TENM2: variants seen among roughly 807,000 people sequenced by gnomAD.
The protein encoded by TENM2 is teneurin-2.
In TENM2, 52 loss-of-function variants were observed where a neutral mutation model predicts 245.2. That is an observed-to-expected ratio of 0.21 (90% confidence interval 0.17 to 0.27). TENM2 has a LOEUF of 0.27. Among genes scored for constraint, TENM2 ranks in the 10% least tolerant of loss-of-function variants. The pLI, the probability that TENM2 is intolerant of heterozygous loss-of-function variation, is 1.00. For synonymous variants in TENM2, 1,363 were observed against 1,438.9 expected (o/e 0.95, Z 1.19); for missense variants, 3,046 against 3,666.8 (o/e 0.83, Z 4.37).
At chr5:167,301,051 G>A (rs183572707) in intron 1 of TENM2, among the ~76,000 whole-genome samples, 3 of 152,244 alleles carry the variant, frequency 2.0e-5, no homozygotes, top group African/African-American at 7.2e-5. Context: ...CCTCCTTATT[G>A]ATTAAGAAGG....
At chr5:168,123,484 G>C (rs1795625262) in intron 10 of TENM2, among the ~76,000 whole-genome samples, 1 of 152,210 alleles carries the variant, frequency 6.6e-6, no homozygotes, top group Non-Finnish European at 1.5e-5. Context: ...TCTTGGCATT[G>C]TGGAAGGAGA....
the TENM2 span, among the ~76,000 whole-genome samples, chr5:167,164,044 T>C: frequency 6.6e-6 from 1 of 152,162 alleles, no homozygotes; most frequent in African/African-American, 2.4e-5. Context: ...TTAAGAGTAC[T>C]AGAAAAAGTA....
intron 4 of TENM2, among the ~76,000 whole-genome samples, chr5:167,991,679 A>G (rs1783676821): frequency 1.3e-5 from 2 of 152,224 alleles, no homozygotes; most frequent in African/African-American, 4.8e-5. Context: ...AGCTCTGGCT[A>G]ACACGGACAC....
chr5:167,286,155 T>C (rs1771336513), intron 1 of TENM2, among the ~76,000 whole-genome samples: 1 of 152,222 alleles, frequency 6.6e-6, no homozygotes, highest in Non-Finnish European at 1.5e-5. Flanking sequence ...ACACTCCTGG[T>C]TTACCCTAGC....
the TENM2 span, among the ~76,000 whole-genome samples, chr5:167,006,597 A>G: frequency 2.0e-5 from 3 of 152,314 alleles, no homozygotes; most frequent in East Asian, 3.9e-4. Context: ...GTATAGCTAT[A>G]TGATATATTT....
chr5:168,237,773 A>C (rs1765638381), intron 25 of TENM2, among the ~76,000 whole-genome samples: 1 of 151,782 alleles, frequency 6.6e-6, no homozygotes, highest in Non-Finnish European at 1.5e-5. Context: ...AATTTATAGC[A>C]AGTTGTTTTG....
chr5:167,729,139 C>T (rs1047428458), intron 2 of TENM2: 5 of 152,186 alleles, frequency 3.3e-5, no homozygotes, highest in African/African-American at 1.2e-4. Flanking sequence ...GCTTTCTACC[C>T]ATAAGTAGCT....
chr5:167,654,731 G>A lies in TENM2; in HGVS notation c.503-221255G>A, dbSNP rs115937077. On this transcript the variant is annotated intron_variant, in intron 2 of 28. Transcript: ENST00000518659. ...GAAGACAAACTAATAGCTCTGCTAAGCAATGCATCCAGAAATAACATGGAA... is the reference window on the plus strand; with the variant it reads ...GAAGACAAACTAATAGCTCTGCTAAACAATGCATCCAGAAATAACATGGAA... Among the ~76,000 whole-genome samples the A allele has an allele frequency of 3.3e-3, 508 of 152,112 alleles. 4 individuals carry two copies. Among genetic ancestry groups the A allele is most frequent in the African/African-American group, 0.011 (471 of 41,508 alleles).
chr5:167,929,070 AAAGAAAG>A (rs1778030968), intron 3 of TENM2, among the ~76,000 whole-genome samples: 1 of 32,298 alleles, frequency 3.1e-5, no homozygotes, highest in South Asian at 1.0e-3. Flanking sequence ...AGAAAGAAAG[AAAGAAAG>A]AAAGAAAGAA....
At chr5:167,978,258 C>T (rs1336304492) in intron 4 of TENM2, among the ~76,000 whole-genome samples, 1 of 152,220 alleles carries the variant, frequency 6.6e-6, no homozygotes, top group African/African-American at 2.4e-5. Context: ...GCAGCAATTC[C>T]TCTCCTAGGG....
At chr5:167,345,387 A>T (rs1758393650) in intron 1 of TENM2, among the ~76,000 whole-genome samples, 1 of 152,246 alleles carries the variant, frequency 6.6e-6, no homozygotes, top group Non-Finnish European at 1.5e-5. Flanking sequence ...AGTGTGTTTA[A>T]CTCACCTTCA....
intron 1 of TENM2, among the ~76,000 whole-genome samples, chr5:167,308,267 G>A (rs1755798033): frequency 6.6e-6 from 1 of 152,126 alleles, no homozygotes; most frequent in African/African-American, 2.4e-5. Context: ...ATCACGGTGA[G>A]CCATGCAACA....
At chr5:167,807,444 G>C (rs1391527822) in intron 2 of TENM2, among the ~76,000 whole-genome samples, 1 of 152,106 alleles carries the variant, frequency 6.6e-6, no homozygotes, top group East Asian at 1.9e-4. Context: ...AAGAAAACTG[G>C]ACATTGACCA....
intron 12 of TENM2, among the ~76,000 whole-genome samples, chr5:168,135,751 G>A (rs74556701): frequency 0.017 from 2,537 of 152,098 alleles, 64 homozygotes; most frequent in African/African-American, 0.057. Context: ...TAAAGTGTTC[G>A]TTTTTAAAAA....
chr5:167,780,730 T>C (rs1189291021), intron 2 of TENM2, among the ~76,000 whole-genome samples: 6 of 152,170 alleles, frequency 3.9e-5, no homozygotes, highest in Non-Finnish European at 8.8e-5. Flanking sequence ...TAATAATTAA[T>C]TGATAAAAAT....
In TENM2 at chr5:167,855,598, T is replaced by C. The variant is rs150541919; in HGVS notation, c.503-20388T>C. ...TACTTCATAACCCCAGTTTATATAA[T>C]AGAGCCTGATATGTACTAGACACTC... On this transcript the variant is annotated intron_variant, in intron 2 of 28. Coordinates refer to ENST00000518659, the Ensembl canonical transcript of TENM2. Among the ~76,000 whole-genome samples, 480 of 142,806 alleles carry C rather than the reference T, an allele frequency of 3.4e-3. 1 individual carries two copies. The highest frequency in any genetic ancestry group is 0.012 in the African/African-American group (440 of 37,658). The allele number at this position is 142,806 out of a possible 152,430, so 93.7% of individuals were successfully genotyped here.
intron 12 of TENM2, among the ~76,000 whole-genome samples, chr5:168,128,434 C>A: frequency 6.6e-6 from 1 of 152,228 alleles, no homozygotes; most frequent in East Asian, 1.9e-4. Context: ...TCCATTGCCC[C>A]AAATCCTCCC....
intron 2 of TENM2, among the ~76,000 whole-genome samples, chr5:167,869,852 T>C (rs2151334688): frequency 6.6e-6 from 1 of 152,214 alleles, no homozygotes; most frequent in Middle Eastern, 3.4e-3. Context: ...AAAAAAATCA[T>C]TAAATGCAAA....
chr5:167,206,928 G>A, the TENM2 span, among the ~76,000 whole-genome samples: 69 of 152,156 alleles, frequency 4.5e-4, no homozygotes, highest in Middle Eastern at 6.8e-3. Context: ...CAAGGAAGAT[G>A]TAAACACGTA....
Sources: gnomAD v4.1 joint callset for allele counts (sites outside exome capture counted in the v4.1 genomes callset) on GRCh38, gnomAD v4.1.1 for gene constraint, MANE v1.5 for transcripts, NCBI Gene and HGNC (gene_info 2026-07-23, HGNC 2026-07-21) for gene names.